Variants in PLXNA2 observed in about 807,000 individuals in gnomAD.
PLXNA2 encodes plexin-A2.
PLXNA2 carries 91 observed loss-of-function variants against 193.5 expected under a neutral mutation model. That is an observed-to-expected ratio of 0.47 (90% CI 0.40 to 0.56). The LOEUF (loss-of-function observed/expected upper bound fraction) is 0.56. Among genes scored for constraint, PLXNA2 ranks in the 20% least tolerant of loss-of-function variants. PLXNA2 has a pLI of 0.00. For missense variants in PLXNA2, 1,995 were observed against 2,503.2 expected (o/e 0.80, Z 4.33); for synonymous variants, 997 against 1,027.3 (o/e 0.97, Z 0.56).
At chr1:208,211,490 G>A (rs952657040) in intron 2 of PLXNA2, among the ~76,000 whole-genome samples, 5 of 152,124 alleles carry the variant, frequency 3.3e-5, no homozygotes, top group African/African-American at 1.2e-4. Flanking sequence ...TCAGGAGATC[G>A]AGACCATTCT....
In PLXNA2 at chr1:208,217,188, G is replaced by T; in HGVS notation, c.735C>A (p.Tyr245Ter). Residue 245 changes from tyrosine (Y) to a stop codon, truncating the protein, a stop_gained, in exon 2 of 32, where the codon TAC becomes TAA. Transcript: ENST00000367033. LOFTEE classifies it high-confidence loss of function. This position sits in a 1 kb window ranked among gnomAD's most constrained non-coding sequence, Gnocchi z 4.7. Reference sequence around the variant, plus strand: ...AGACAAAGCCCCCACTAGCAAAGCCGTAGATGTAGAAGATGTCAAAGTGGG... The same window carrying T: ...AGACAAAGCCCCCACTAGCAAAGCCTTAGATGTAGAAGATGTCAAAGTGGG... Reference protein sequence around the residue: ...LVSHFDIFYIYGFASGGFVYF... With the variant: ...LVSHFDIFYI 1 of 1,614,180 alleles carries T rather than the reference G, an allele frequency of 6.2e-7. No individual in the cohort carries two copies. The highest frequency in any genetic ancestry group is 8.5e-7 in the Non-Finnish European group (1 of 1,180,034).
intron 11 of PLXNA2, among the ~76,000 whole-genome samples, chr1:208,081,030 G>A (rs745672436): frequency 2.0e-5 from 3 of 152,226 alleles, no homozygotes; most frequent in Non-Finnish European, 2.9e-5. Flanking sequence ...AGACAACGCT[G>A]TCTGTGCACT....
intron 3 of PLXNA2, 198 bp downstream of exon 3, chr1:208,210,082 C>T: frequency 2.0e-6 from 1 of 504,892 alleles, no homozygotes; most frequent in South Asian, 1.8e-5. Flanking sequence ...TCCTTACATA[C>T]CCAATGACTG....
In PLXNA2 at chr1:208,066,040, G is replaced by T. The variant is rs952017761; in HGVS notation, c.2587-5203C>A. The stretch of plus-strand genomic sequence containing the variant: ...TTGACAGTTTGGGGGGTGTATGTGT[G>T]TGTGTGTGTGAGTGAGTGTGTGTGT... On this transcript the variant is annotated intron_variant, in intron 12 of 31. Transcript: ENST00000367033. Among the ~76,000 whole-genome samples, 86 of 152,112 alleles carry T rather than the reference G, an allele frequency of 5.7e-4. 2 individuals are homozygous for T. The highest frequency in any genetic ancestry group is 1.5e-5 in the Non-Finnish European group (1 of 68,026).
chr1:208,065,828 C>A (rs939485654), intron 12 of PLXNA2, among the ~76,000 whole-genome samples: 8 of 152,172 alleles, frequency 5.3e-5, no homozygotes, highest in African/African-American at 1.7e-4. Context: ...ATCCTTTCAC[C>A]CAAAATAAGT....
intron 1 of PLXNA2, among the ~76,000 whole-genome samples, chr1:208,232,519 C>CT (rs1369768339): frequency 6.6e-6 from 1 of 152,194 alleles, no homozygotes; most frequent in Non-Finnish European, 1.5e-5. Flanking sequence ...TTAACACTGA[C>CT]TTTCGTTTCT....
At chr1:208,221,067 C>A (rs4844659) in intron 1 of PLXNA2, among the ~76,000 whole-genome samples, 1 of 152,176 alleles carries the variant, frequency 6.6e-6, no homozygotes, top group Non-Finnish European at 1.5e-5. Flanking sequence ...GTCCTGATGT[C>A]TAGAAGGCAT....
At chr1:208,083,819 C>T (rs1198450239) in intron 10 of PLXNA2, among the ~76,000 whole-genome samples, 5 of 106,096 alleles carry the variant, frequency 4.7e-5, no homozygotes, top group African/African-American at 1.5e-4. Context: ...TCCTACCCCT[C>T]CCCTCCCACC....
intron 1 of PLXNA2, among the ~76,000 whole-genome samples, chr1:208,229,667 G>A (rs927130772): frequency 9.2e-5 from 14 of 152,348 alleles, no homozygotes; most frequent in African/African-American, 3.1e-4. Flanking sequence ...AGATGGAGAA[G>A]AATGGGAAGA....
At chr1:208,216,276 T>C (rs1213928231) in intron 2 of PLXNA2, among the ~76,000 whole-genome samples, 1 of 152,242 alleles carries the variant, frequency 6.6e-6, no homozygotes, top group Non-Finnish European at 1.5e-5. Context: ...CCTCAGTTTT[T>C]GCTTAGACAC....
At position 208,207,809 on chromosome 1, in the gene PLXNA2, A is replaced by G. The variant is rs112770693; in HGVS notation, c.1371+2471T>C. ...TGGGTATGAATGTCAAGTACCTCAAAGCAGCGTGGGTGGGAAGGAAGGGTG... is the reference window on the plus strand; with the variant it reads ...TGGGTATGAATGTCAAGTACCTCAAGGCAGCGTGGGTGGGAAGGAAGGGTG... On this transcript the variant is annotated intron_variant, in intron 3 of 31. Transcript: ENST00000367033. Among the ~76,000 whole-genome samples the G allele has an allele frequency of 4.5e-3, 681 of 152,252 alleles. 8 individuals are homozygous for G. The highest frequency in any genetic ancestry group is 0.016 in the African/African-American group (662 of 41,544).
intron 1 of PLXNA2, among the ~76,000 whole-genome samples, chr1:208,233,985 T>C (rs1450153553): frequency 6.6e-6 from 1 of 151,712 alleles, no homozygotes; most frequent in Non-Finnish European, 1.5e-5. Context: ...AGAGGAGAGG[T>C]CAGTTCTCAC....
chr1:208,224,417 A>T (rs1161845835), intron 1 of PLXNA2, among the ~76,000 whole-genome samples: 4 of 151,718 alleles, frequency 2.6e-5, no homozygotes, highest in African/African-American at 9.7e-5. Flanking sequence ...TCCATGTGAC[A>T]GGGCTGCAGG....
intron 24 of PLXNA2, 39 bp from the exon 25 acceptor site, chr1:208,039,023 G>A: frequency 6.3e-7 from 1 of 1,591,914 alleles, no homozygotes; most frequent in Non-Finnish European, 8.6e-7. Context: ...GACAGGAGTT[G>A]AAGGAGTAGT....
intron 22 of PLXNA2, among the ~76,000 whole-genome samples, chr1:208,041,751 A>G (rs541233807): frequency 2.8e-4 from 43 of 152,292 alleles, no homozygotes; most frequent in Non-Finnish European, 4.7e-4. Context: ...GTGAGATAGG[A>G]ATTATTTTTC....
At chr1:208,204,394 CA>C (rs1670649710) in intron 3 of PLXNA2, among the ~76,000 whole-genome samples, 1 of 152,174 alleles carries the variant, frequency 6.6e-6, no homozygotes, top group Non-Finnish European at 1.5e-5. Flanking sequence ...CCCCTTCCTC[CA>C]GCCAACATTT....
rs960743429 is a variant in PLXNA2, at chr1:208,216,960, T to G, written c.963A>C (p.Ser321=). The change falls in exon 2 of 32, where the codon TCA becomes TCC. Residue 321 remains serine (S), a synonymous_variant. Transcript: ENST00000367033. Reference sequence around the variant, plus strand: ...TGGTGATATTGAAGGCCTGGGCCAGTGAGTCCCCAGGCTTGGCCAGGTAAG... The same window carrying G: ...TGGTGATATTGAAGGCCTGGGCCAGGGAGTCCCCAGGCTTGGCCAGGTAAG... ...QAAYLAKPGD[S]LAQAFNITSQ... is the part of the protein sequence containing the mutation. 33 of 1,613,796 alleles carry G rather than the reference T, an allele frequency of 2.0e-5. No homozygotes were observed. Among genetic ancestry groups the G allele is most frequent in the Non-Finnish European group, 2.8e-5 (33 of 1,179,896 alleles).
intron 4 of PLXNA2, among the ~76,000 whole-genome samples, chr1:208,111,139 C>T (rs1462477524): frequency 1.3e-5 from 2 of 152,168 alleles, no homozygotes; most frequent in African/African-American, 4.8e-5. Context: ...CAGTCTCTAC[C>T]TCCCGGGCTC....
chr1:208,132,223 C>T (rs1301026518), intron 4 of PLXNA2, among the ~76,000 whole-genome samples: 1 of 152,208 alleles, frequency 6.6e-6, no homozygotes, highest in East Asian at 1.9e-4. Flanking sequence ...CTCCAATCTC[C>T]TTGAAGGTGT....
Sources: allele counts gnomAD v4.1 joint callset (sites outside exome capture counted in the v4.1 genomes callset), GRCh38; gene constraint gnomAD v4.1.1; non-coding constraint Gnocchi (gnomAD v3.1); transcripts MANE v1.5; gene names NCBI Gene and HGNC (gene_info 2026-07-23, HGNC 2026-07-21).